The following CNTN4 variants were observed in gnomAD, a reference collection of about 807,000 sequenced individuals.
The protein encoded by CNTN4 is contactin-4.
Under a neutral mutation model 122.5 loss-of-function variants are expected in CNTN4, and 77 were observed. The observed-to-expected ratio is 0.63, with a 90% CI of 0.52 to 0.76. CNTN4 has a LOEUF of 0.76. Ranked by LOEUF, CNTN4 falls within the 30% of genes least tolerant of loss-of-function variation. The pLI, the probability that CNTN4 is intolerant of heterozygous loss-of-function variation, is 0.00. For missense variants in CNTN4, 1,256 were observed against 1,259.1 expected (o/e 1.00, Z 0.04); for synonymous variants, 512 against 447.0 (o/e 1.15, Z -1.83).
chr3:2,886,280 C>G (rs1361598063), intron 9 of CNTN4, among the ~76,000 whole-genome samples: 1 of 151,454 alleles, frequency 6.6e-6, no homozygotes, highest in Admixed American at 6.6e-5. Context: ...GCCTGTAGTC[C>G]TAGCTACTTG....
intron 8 of CNTN4, among the ~76,000 whole-genome samples, chr3:2,876,310 C>G (rs1164228958): frequency 6.6e-6 from 1 of 152,198 alleles, no homozygotes; most frequent in African/African-American, 2.4e-5. Flanking sequence ...CAGGGGAAAA[C>G]ATGCCTTTTT....
At chr3:3,013,037 G>A (rs1233623453) in intron 14 of CNTN4, among the ~76,000 whole-genome samples, 2 of 151,950 alleles carry the variant, frequency 1.3e-5, no homozygotes, top group African/African-American at 4.8e-5. Flanking sequence ...TCTTACTCTC[G>A]AAATAAGTGT....
chr3:2,892,162 G>A (rs1034369807), intron 10 of CNTN4: 2 of 152,226 alleles, frequency 1.3e-5, no homozygotes, highest in South Asian at 2.1e-4. Flanking sequence ...TGAAACTTCA[G>A]TGTGCATCAC....
At chr3:2,736,382 T>G (rs761935915) in intron 5 of CNTN4, 41 bp downstream of exon 5, 29 of 1,589,350 alleles carry the variant, frequency 1.8e-5, no homozygotes, top group Non-Finnish European at 2.3e-5. Flanking sequence ...GCATATAGTT[T>G]CTGTTATTAA....
intron 13 of CNTN4, among the ~76,000 whole-genome samples, chr3:2,979,233 A>G (rs1319123827): frequency 6.6e-6 from 1 of 152,042 alleles, no homozygotes; most frequent in African/African-American, 2.4e-5. Context: ...CTGGTGGGGG[A>G]AAGTTTCTTT....
At chr3:2,516,091 T>C (rs1455306170) in intron 3 of CNTN4, among the ~76,000 whole-genome samples, 1 of 152,100 alleles carries the variant, frequency 6.6e-6, no homozygotes, top group Non-Finnish European at 1.5e-5. Context: ...ATTTTTATTA[T>C]TGGGAGGTCT....
At chr3:2,949,833 C>G (rs2094719731) in intron 13 of CNTN4, among the ~76,000 whole-genome samples, 1 of 152,200 alleles carries the variant, frequency 6.6e-6, no homozygotes. Context: ...TACCCAAACC[C>G]TAACTGATAT....
intron 3 of CNTN4, among the ~76,000 whole-genome samples, chr3:2,448,174 A>C (rs2048692676): frequency 6.6e-6 from 1 of 152,202 alleles, no homozygotes; most frequent in African/African-American, 2.4e-5. Flanking sequence ...AGCCCAGAGC[A>C]GGCAGCGAAG....
intron 8 of CNTN4, among the ~76,000 whole-genome samples, chr3:2,873,428 G>A (rs1232977393): frequency 6.6e-6 from 1 of 152,174 alleles, no homozygotes; most frequent in Admixed American, 6.5e-5. Context: ...GCCACAGTGC[G>A]CCATTTTGTG....
intron 4 of CNTN4, among the ~76,000 whole-genome samples, chr3:2,727,995 G>T (rs542024997): frequency 1.3e-5 from 2 of 152,330 alleles, no homozygotes; most frequent in South Asian, 2.1e-4. Flanking sequence ...CAACCAAATA[G>T]AATACTTATT....
At chr3:2,494,250 T>C (rs951298290) in intron 3 of CNTN4, among the ~76,000 whole-genome samples, 1 of 152,200 alleles carries the variant, frequency 6.6e-6, no homozygotes, top group East Asian at 1.9e-4. Flanking sequence ...TACAGACCAA[T>C]TTTATACATT....
chr3:2,794,499 T>C (rs2092109421), intron 6 of CNTN4, among the ~76,000 whole-genome samples: 1 of 152,208 alleles, frequency 6.6e-6, no homozygotes, highest in African/African-American at 2.4e-5. Flanking sequence ...GAACAAACTT[T>C]GCAAAAACTG....
At chr3:2,840,672 C>G (rs1031682001) in intron 7 of CNTN4, among the ~76,000 whole-genome samples, 1 of 148,854 alleles carries the variant, frequency 6.7e-6, no homozygotes, top group African/African-American at 2.5e-5. Flanking sequence ...GCACTCCAGC[C>G]TGGGCGACAG....
intron 3 of CNTN4, among the ~76,000 whole-genome samples, chr3:2,386,420 C>G (rs752016878): frequency 6.6e-6 from 1 of 152,208 alleles, no homozygotes; most frequent in African/African-American, 2.4e-5. Flanking sequence ...CTTTCCCCAT[C>G]TGGGGCCAGT....
At chr3:2,502,139 T>C (rs1196834121) in intron 3 of CNTN4, among the ~76,000 whole-genome samples, 1 of 152,158 alleles carries the variant, frequency 6.6e-6, no homozygotes, top group South Asian at 2.1e-4. Context: ...GGATAACAGA[T>C]ACTCAATGTA....
chr3:2,988,670 AT>A (rs2125287601), intron 14 of CNTN4, 198 bp downstream of exon 14: 1 of 608,120 alleles, frequency 1.6e-6, no homozygotes, highest in African/African-American at 1.8e-5. Context: ...AGGCTATCTT[AT>A]TTCAGAATCA....
At chr3:2,689,895 C>T (rs1576464980) in intron 4 of CNTN4, among the ~76,000 whole-genome samples, 1 of 152,036 alleles carries the variant, frequency 6.6e-6, no homozygotes, top group African/African-American at 2.4e-5. Flanking sequence ...TTTATGAAAA[C>T]CCAGTCATAT....
intron 6 of CNTN4, among the ~76,000 whole-genome samples, chr3:2,757,837 C>T (rs1371038430): frequency 6.6e-6 from 1 of 152,110 alleles, no homozygotes; most frequent in African/African-American, 2.4e-5. Context: ...ACATATTTCA[C>T]CAAAGATTAA....
At chr3:2,823,031 C>G (rs907574684) in intron 7 of CNTN4, among the ~76,000 whole-genome samples, 1 of 152,216 alleles carries the variant, frequency 6.6e-6, no homozygotes, top group Non-Finnish European at 1.5e-5. Flanking sequence ...TCTCAGACAT[C>G]CATCAGTTTT....
Sources: gnomAD v4.1 joint callset for allele counts (sites outside exome capture counted in the v4.1 genomes callset) on GRCh38, gnomAD v4.1.1 for gene constraint, MANE v1.5 for transcripts, NCBI Gene and HGNC (gene_info 2026-07-23, HGNC 2026-07-21) for gene names.